Variants in DYSF observed in about 807,000 individuals in gnomAD.
DYSF encodes the protein dystrophy-associated fer-1-like 1.
In DYSF, 212 loss-of-function variants were observed where a neutral mutation model predicts 274.9. The observed-to-expected ratio is 0.77, with a 90% CI of 0.69 to 0.86. The LOEUF is 0.86. Ranked by LOEUF, DYSF falls within the 40% of genes least tolerant of loss-of-function variation. DYSF has a pLI of 0.00. For synonymous variants in DYSF, 1,091 were observed against 1,078.7 expected (o/e 1.01, Z -0.22); for missense variants, 2,666 against 2,783.2 (o/e 0.96, Z 0.95).
At chr2:71,455,222 G>T (rs1374119243) in intron 1 of DYSF, among the ~76,000 whole-genome samples, 1 of 152,202 alleles carries the variant, frequency 6.6e-6, no homozygotes, top group Non-Finnish European at 1.5e-5. Context: ...AGCTCCGAAA[G>T]CACAGGCCTG....
intron 40 of DYSF, among the ~76,000 whole-genome samples, chr2:71,619,046 C>T (rs1307901743): frequency 3.9e-5 from 6 of 152,002 alleles, no homozygotes; most frequent in African/African-American, 1.5e-4. Flanking sequence ...CAAAGGGGAA[C>T]GTGTAATTTC....
At chr2:71,544,323 G>A (rs1052443275) in intron 17 of DYSF, among the ~76,000 whole-genome samples, 6 of 152,032 alleles carry the variant, frequency 3.9e-5, no homozygotes, top group African/African-American at 9.7e-5. Context: ...ACAGGTTAAC[G>A]TGCCCAGTTT....
chr2:71,465,948 G>T (rs1467932377), upstream of DYSF, among the ~76,000 whole-genome samples: 1 of 152,210 alleles, frequency 6.6e-6, no homozygotes, highest in Non-Finnish European at 1.5e-5. Flanking sequence ...ACTTGCAGGG[G>T]ACAGAATGGG....
chr2:71,618,337 TG>T (rs2093976672), intron 40 of DYSF, among the ~76,000 whole-genome samples: 1 of 22,428 alleles, frequency 4.5e-5, no homozygotes, highest in Non-Finnish European at 8.8e-5. Flanking sequence ...ATGGGGTGTG[TG>T]TGTGGTAGAG....
intron 41 of DYSF, among the ~76,000 whole-genome samples, chr2:71,635,764 AAGAAAG>A (rs1450152908): frequency 0.3 from 35,217 of 117,024 alleles, 6,018 homozygotes; most frequent in Non-Finnish European, 0.37. Flanking sequence ...AAAAAAAAAA[AAGAAAG>A]AAAAAAGAAA....
rs61104194 is a variant in DYSF, at chr2:71,515,606, C to T, written c.760-17C>T. On this transcript the variant is annotated splice_polypyrimidine_tract_variant and intron_variant, in intron 7 of 55. Transcript: ENST00000410020. Reference sequence around the variant, plus strand: ...TCTTCCCCCTTCCTCCTGCTCTTTCCTCCTTCTGGCTTTCAGATCAGGGTC... The same window carrying T: ...TCTTCCCCCTTCCTCCTGCTCTTTCTTCCTTCTGGCTTTCAGATCAGGGTC... 138,007 of 1,613,696 alleles carry T rather than the reference C, an allele frequency of 0.086. 7,059 individuals carry two copies. Among genetic ancestry groups the T allele is most frequent in the African/African-American group, 0.21 (15,870 of 74,908 alleles).
chr2:71,618,184 A>G (rs1169323559), intron 40 of DYSF, among the ~76,000 whole-genome samples: 2 of 14,758 alleles, frequency 1.4e-4, no homozygotes, highest in African/African-American at 4.6e-4. Flanking sequence ...GAGGTGGGGT[A>G]TAAGTGTGTG....
At chr2:71,669,039 CT>C in intron 49 of DYSF, 72 bp from the exon 50 acceptor site, 5 of 1,414,938 alleles carry the variant, frequency 3.5e-6, no homozygotes, top group Non-Finnish European at 4.9e-6. Context: ...TGCTTCTTGG[CT>C]TCTTGGCTTC....
rs1018230751 is a variant in DYSF, at chr2:71,539,702, C to T, written c.1576+463C>T. 2.0e-5 allele frequency among the ~76,000 whole-genome samples: 3 copies of T among 152,192 alleles called. No homozygotes were observed. The East Asian group carries it at 5.8e-4, about 29-fold the overall frequency. On this transcript the variant is annotated intron_variant, in intron 17 of 55. Transcript: ENST00000410020. ...CACCCCTCCGGACAAGAACTATTAG[C>T]ACTCCGAGACCTTTCTGTATGTATG...
chr2:71,554,925 T>G (rs1417681085), intron 21 of DYSF, among the ~76,000 whole-genome samples: 1 of 152,092 alleles, frequency 6.6e-6, no homozygotes, highest in Non-Finnish European at 1.5e-5. Context: ...TGTAGGGGTT[T>G]CTGTGGCATG....
In DYSF at chr2:71,637,153, C is replaced by T. The variant is rs112924358; in HGVS notation, c.4528-6812C>T. Among the ~76,000 whole-genome samples, 193 of 152,228 alleles carry T rather than the reference C, an allele frequency of 1.3e-3. 1 individual carries two copies. The highest frequency in any genetic ancestry group is 4.2e-3 in the African/African-American group (176 of 41,548). ...GGGAACGTGTGGGCAGAGAGAGAGA[C>T]GTATTCTGTGAATAGTGGGGCACTG... On this transcript the variant is annotated intron_variant, in intron 41 of 55. Transcript: ENST00000410020.
At chr2:71,685,986 A>G (rs1276618433) in intron 55 of DYSF, among the ~76,000 whole-genome samples, 2 of 152,010 alleles carry the variant, frequency 1.3e-5, no homozygotes, top group African/African-American at 2.4e-5. Context: ...TGCTTTCTGG[A>G]CAGGGGTGTG....
rs149331072 is a variant in DYSF at position 71,677,293 on chromosome 2, T to C, written c.5885-1764T>C. ...GTTATAGTAACTATGCATTCTACACTGAAAAAAATTGAAACACCTTTGCAT... is the reference window on the plus strand; with the variant it reads ...GTTATAGTAACTATGCATTCTACACCGAAAAAAATTGAAACACCTTTGCAT... On this transcript the variant is annotated intron_variant, in intron 52 of 55. Coordinates refer to ENST00000410020, the MANE Select transcript of DYSF (RefSeq NM_001130987.2). 7.1e-3 allele frequency among the ~76,000 whole-genome samples: 1,076 copies of C among 152,324 alleles called. 5 individuals are homozygous for C. The highest frequency in any genetic ancestry group is 0.024 in the Middle Eastern group (7 of 294).
intron 41 of DYSF, among the ~76,000 whole-genome samples, chr2:71,622,126 C>CTTTTT (rs1558651607): frequency 7.7e-5 from 3 of 38,746 alleles, no homozygotes; most frequent in African/African-American, 1.2e-4. Context: ...CAGATGATTT[C>CTTTTT]TTTGTTTTTT....
rs537383886 is a variant in DYSF at position 71,507,626 on chromosome 2, C to T, written c.346-4181C>T. On this transcript the variant is annotated intron_variant, in intron 4 of 55. Transcript: ENST00000410020. ...AGGCACGTGTGCGCGCACACACACA[C>T]ACGTAGAGGGAATGAATATGTGAGT... Among the ~76,000 whole-genome samples the T allele has an allele frequency of 3.3e-5, 5 of 152,288 alleles. No individual in the cohort carries two copies. The South Asian group carries it at 8.3e-4, about 25-fold the overall frequency.
intron 41 of DYSF, among the ~76,000 whole-genome samples, chr2:71,626,760 G>A (rs771410642): frequency 4.6e-5 from 7 of 151,746 alleles, no homozygotes; most frequent in Non-Finnish European, 8.8e-5. Flanking sequence ...GGCATTATCC[G>A]TTGCCTAAAT....
intron 9 of DYSF, 126 bp downstream of exon 9, chr2:71,516,368 G>T: frequency 1.1e-6 from 1 of 934,808 alleles, no homozygotes; most frequent in South Asian, 1.4e-5. Flanking sequence ...GAATGCGTGT[G>T]TGTGCCTGTC....
intron 21 of DYSF, among the ~76,000 whole-genome samples, chr2:71,555,377 C>T (rs1037233629): frequency 3.9e-5 from 6 of 152,044 alleles, no homozygotes; most frequent in Non-Finnish European, 7.4e-5. Context: ...GAGGGACAGT[C>T]CTTGGCCTCT....
intron 42 of DYSF, among the ~76,000 whole-genome samples, chr2:71,645,333 G>T (rs2094550117): frequency 6.6e-6 from 1 of 152,108 alleles, no homozygotes; most frequent in Non-Finnish European, 1.5e-5. Context: ...TTCCCCTGGA[G>T]TCGCGCTGCT....
Sources: allele counts gnomAD v4.1 joint callset (sites outside exome capture counted in the v4.1 genomes callset), GRCh38; gene constraint gnomAD v4.1.1; transcripts MANE v1.5; gene names NCBI Gene and HGNC (gene_info 2026-07-23, HGNC 2026-07-21).